Variants in DCX observed in about 807,000 individuals in gnomAD.
DCX encodes the protein neuronal migration protein doublecortin.
A neutral mutation model predicts 20.9 loss-of-function variants in DCX; 4 were observed. That is an observed-to-expected ratio of 0.19 (90% confidence interval 0.09 to 0.44). The LOEUF (loss-of-function observed/expected upper bound fraction) is 0.44, where lower values mean the gene tolerates loss of function less well. Ranked by LOEUF, DCX falls within the 20% of genes least tolerant of loss-of-function variation. The pLI, the probability that DCX is intolerant of heterozygous loss-of-function variation, is 0.99. For synonymous variants in DCX, 103 were observed against 111.4 expected, an observed-to-expected ratio of 0.92 and a Z score of 0.47; for missense variants, 133 against 296.9, an observed-to-expected ratio of 0.45 and a Z score of 4.06.
chrX:111,368,357 G>T (rs1015492269), intron 3 of DCX, among the ~76,000 whole-genome samples: 1 of 111,703 alleles, frequency 9.0e-6, no homozygotes, highest in African/African-American at 3.3e-5. Context: ...AATTTTCTCA[G>T]ACCTCAGGTC....
rs190136543 is a variant in DCX, at chrX:111,347,616, A to T, written c.706-14463T>A. 2.1e-4 allele frequency among the ~76,000 whole-genome samples: 23 copies of T among 111,027 alleles called. No individual in the cohort carries two copies. The East Asian group carries it at 6.6e-3, about 32-fold the overall frequency. On this transcript the variant is annotated intron_variant, in intron 3 of 6. Transcript: ENST00000636035. ...TTCCCAGCCCCTGTGCAGCCAGTTTACCTATTCCTATAGCAAGTCATATTG... is the reference window on the plus strand; with the variant it reads ...TTCCCAGCCCCTGTGCAGCCAGTTTTCCTATTCCTATAGCAAGTCATATTG...
chrX:111,384,991 G>A (rs1926271593), intron 3 of DCX, among the ~76,000 whole-genome samples: 2 of 112,623 alleles, frequency 1.8e-5, no homozygotes, highest in Non-Finnish European at 3.8e-5. Flanking sequence ...CAAAGCAGGA[G>A]TCTCTGAGTC....
At chrX:111,383,256 C>T (rs181294919) in intron 3 of DCX, among the ~76,000 whole-genome samples, 35 of 111,549 alleles carry the variant, frequency 3.1e-4, no homozygotes, top group African/African-American at 1.1e-3. Context: ...ACTAACAGCA[C>T]CCCCAGCTAT....
At chrX:111,325,419 A>C (rs1275208580) in intron 5 of DCX, among the ~76,000 whole-genome samples, 1 of 111,524 alleles carries the variant, frequency 9.0e-6, no homozygotes, top group African/African-American at 3.3e-5. Context: ...GTGACATGGA[A>C]GATCCCAAGA....
chrX:111,358,080 A>G (rs184318230), intron 3 of DCX, among the ~76,000 whole-genome samples: 3,740 of 111,612 alleles, frequency 0.034, 148 homozygotes, highest in African/African-American at 0.11. Context: ...CGCCTGCCTC[A>G]GCCTCGCAAA....
At chrX:111,332,973 C>T (rs1921389839) in intron 4 of DCX, 78 bp downstream of exon 4, 2 of 752,771 alleles carry the variant, frequency 2.7e-6, no homozygotes, top group Non-Finnish European at 4.1e-6. Flanking sequence ...GTTTTCCACA[C>T]CATACAAACC....
intron 3 of DCX, among the ~76,000 whole-genome samples, chrX:111,384,491 G>A (rs771744513): frequency 9.0e-6 from 1 of 111,402 alleles, no homozygotes; most frequent in East Asian, 2.9e-4. Flanking sequence ...CTCTAGGTAT[G>A]GAGTTTGTCT....
At chrX:111,311,420 G>A (rs752574524) in intron 6 of DCX, among the ~76,000 whole-genome samples, 1 of 112,246 alleles carries the variant, frequency 8.9e-6, no homozygotes, top group South Asian at 3.8e-4. Context: ...TCGGGCAGTG[G>A]TATGCTATTA....
At chrX:111,308,252 C>T (rs922824124) in intron 6 of DCX, among the ~76,000 whole-genome samples, 4 of 111,801 alleles carry the variant, frequency 3.6e-5, no homozygotes, top group Admixed American at 9.5e-5. Context: ...GCTGTGCTGG[C>T]GATACTATTG....
At chrX:111,363,260 T>G (rs934500316) in intron 3 of DCX, among the ~76,000 whole-genome samples, 3 of 110,690 alleles carry the variant, frequency 2.7e-5, no homozygotes, top group Non-Finnish European at 5.7e-5. Flanking sequence ...TTTGACTCTG[T>G]CTGCTTCACC....
At chrX:111,402,823 G>GCA (rs1927918399) in intron 2 of DCX, among the ~76,000 whole-genome samples, 3 of 100,647 alleles carry the variant, frequency 3.0e-5, no homozygotes, top group Non-Finnish European at 6.1e-5. Flanking sequence ...GTGTGTGTGC[G>GCA]GAGGGGGAGG....
chrX:111,312,364 T>C (rs2095059625), intron 6 of DCX, among the ~76,000 whole-genome samples: 1 of 112,165 alleles, frequency 8.9e-6, no homozygotes, highest in African/African-American at 3.2e-5. Flanking sequence ...TCCCAAAGCA[T>C]GGTTTGGTTA....
intron 5 of DCX, among the ~76,000 whole-genome samples, chrX:111,315,214 A>G (rs1199661237): frequency 9.5e-6 from 1 of 105,644 alleles, no homozygotes; most frequent in Middle Eastern, 4.3e-3. Flanking sequence ...TCTACAATGA[A>G]CTCAAACAAA....
At chrX:111,325,401 A>AGTAAT (rs1270291930) in intron 5 of DCX, among the ~76,000 whole-genome samples, 1 of 111,571 alleles carries the variant, frequency 9.0e-6, no homozygotes, top group Non-Finnish European at 1.9e-5. Context: ...TTGGGTGCTA[A>AGTAAT]GTAATGTGTG....
At chrX:111,398,282 C>T (rs1370076331) in intron 3 of DCX, among the ~76,000 whole-genome samples, 2 of 108,212 alleles carry the variant, frequency 1.8e-5, no homozygotes, top group African/African-American at 6.7e-5. Flanking sequence ...CTGTTTATGT[C>T]AGTTCATTCA....
intron 3 of DCX, among the ~76,000 whole-genome samples, chrX:111,356,646 T>C (rs1401443390): frequency 8.9e-6 from 1 of 112,035 alleles, no homozygotes; most frequent in East Asian, 2.8e-4. Flanking sequence ...TGCCATAAAA[T>C]ATGAGTCTGA....
rs747077505 is a variant in DCX at position 111,360,251 on chromosome X, C to CT, written c.706-27099dup. 2.1e-4 allele frequency among the ~76,000 whole-genome samples: 23 copies of CT among 112,061 alleles called. 1 individual carries two copies. In the South Asian group the frequency reaches 8.5e-3, roughly 41 times the overall value. On this transcript the variant is annotated intron_variant, in intron 3 of 6. Transcript: ENST00000636035. ...AAATGTGGTACTTTACAATGAAGTA[C>CT]TATTCAGTCATAAAAAATAATTAGA...
At chrX:111,353,658 A>G (rs1923502240) in intron 3 of DCX, among the ~76,000 whole-genome samples, 1 of 111,096 alleles carries the variant, frequency 9.0e-6, no homozygotes, top group South Asian at 3.8e-4. Context: ...TTATTAATAC[A>G]CTCTAGAATT....
At chrX:111,397,612 A>C (rs1176567204) in intron 3 of DCX, among the ~76,000 whole-genome samples, 1 of 111,330 alleles carries the variant, frequency 9.0e-6, no homozygotes, top group Non-Finnish European at 1.9e-5. Flanking sequence ...TGTACCCCCA[A>C]ATTTTATTTA....
Sources: allele counts gnomAD v4.1 joint callset (sites outside exome capture counted in the v4.1 genomes callset), GRCh38; gene constraint gnomAD v4.1.1; transcripts MANE v1.5; gene names NCBI Gene and HGNC (gene_info 2026-07-23, HGNC 2026-07-21).